The following NEDD4L variants were observed in gnomAD, a reference collection of about 807,000 sequenced individuals.
NEDD4L encodes E3 ubiquitin-protein ligase NEDD4-like.
Under a neutral mutation model 148.9 loss-of-function variants are expected in NEDD4L, and 54 were observed. That is an observed-to-expected ratio of 0.36 (90% CI 0.29 to 0.45). The LOEUF (loss-of-function observed/expected upper bound fraction) is 0.45, where lower values mean the gene tolerates loss of function less well. Ranked by LOEUF, NEDD4L falls within the 20% of genes least tolerant of loss-of-function variation. The pLI is 1.00. For missense variants in NEDD4L, 856 were observed against 1,233.8 expected (o/e 0.69, Z 4.59); for synonymous variants, 433 against 440.7 (o/e 0.98, Z 0.22).
chr18:58,087,013 A>G (rs143278179), intron 1 of NEDD4L, among the ~76,000 whole-genome samples: 1 of 152,320 alleles, frequency 6.6e-6, no homozygotes, highest in Non-Finnish European at 1.5e-5. Flanking sequence ...TGTCCTGTGA[A>G]TCTCACTGGA....
chr18:58,135,962 C>T (rs185889912), intron 1 of NEDD4L, among the ~76,000 whole-genome samples: 3 of 152,286 alleles, frequency 2.0e-5, no homozygotes, highest in Non-Finnish European at 2.9e-5. Flanking sequence ...GGAAGCTGAA[C>T]GCTTGCTCCC....
At chr18:58,155,518 T>C (rs1172864734) in intron 1 of NEDD4L, among the ~76,000 whole-genome samples, 6 of 152,216 alleles carry the variant, frequency 3.9e-5, no homozygotes, top group African/African-American at 1.4e-4. Flanking sequence ...GTGAGTTATT[T>C]CTTTGCAGTA....
chr18:58,058,865 T>C (rs1469891701), intron 1 of NEDD4L, among the ~76,000 whole-genome samples: 1 of 152,180 alleles, frequency 6.6e-6, no homozygotes, highest in African/African-American at 2.4e-5. Flanking sequence ...GGTTTATGTG[T>C]CTGTCTCGTA....
At chr18:58,383,540 C>T (rs923478456) in intron 25 of NEDD4L, among the ~76,000 whole-genome samples, 7 of 152,136 alleles carry the variant, frequency 4.6e-5, no homozygotes, top group Admixed American at 4.6e-4. Flanking sequence ...TATAAAGGAG[C>T]AGAGGAGGGA....
chr18:58,088,801 T>C (rs10503020), intron 1 of NEDD4L, among the ~76,000 whole-genome samples: 11,258 of 152,246 alleles, frequency 0.074, 525 homozygotes, highest in East Asian at 0.17. Context: ...CGTTCAAGTG[T>C]GGCAGTTATG....
At position 58,329,119 on chromosome 18, in the gene NEDD4L, G is replaced by A; in HGVS notation, c.805G>A (p.Val269Ile). ...LEPEPSEGGDVPEPWETISEE... is the reference protein window; with the variant it reads ...LEPEPSEGGDIPEPWETISEE... ...GCCCGAGCCCTCGGAGGGCGGGGATGTCCCCGAGGTACGATGTCCCCAGAA... is the reference window on the plus strand; with the variant it reads ...GCCCGAGCCCTCGGAGGGCGGGGATATCCCCGAGGTACGATGTCCCCAGAA... Residue 269 changes from valine (V) to isoleucine (I), a missense_variant, in exon 10 of 31, where the codon GTC becomes ATC. By Grantham distance (29) the Val-to-Ile change is conservative (BLOSUM62 3). Transcript: ENST00000400345. 6.2e-7 allele frequency: 1 copy of A among 1,613,856 alleles called. No homozygotes were observed. Among genetic ancestry groups the A allele is most frequent in the South Asian group, 1.1e-5 (1 of 91,010 alleles).
At chr18:58,276,694 A>ATATTATTATTATTATTAT (rs143837901) in intron 5 of NEDD4L, among the ~76,000 whole-genome samples, 1 of 97,826 alleles carries the variant, frequency 1.0e-5, no homozygotes, top group Non-Finnish European at 2.0e-5. Flanking sequence ...AATAATAATA[A>ATATTATTATTATTATTAT]TATTATTATT....
At chr18:58,164,450 A>T (rs1267867817) in intron 1 of NEDD4L, among the ~76,000 whole-genome samples, 1 of 152,134 alleles carries the variant, frequency 6.6e-6, no homozygotes, top group Non-Finnish European at 1.5e-5. Flanking sequence ...GAGGCTTAGG[A>T]CTCTGAGTGG....
intron 2 of NEDD4L, among the ~76,000 whole-genome samples, chr18:58,231,980 C>A (rs1320597277): frequency 6.6e-6 from 1 of 152,206 alleles, no homozygotes; most frequent in East Asian, 1.9e-4. Context: ...AGGTCTGACT[C>A]CATGGCTATT....
intron 23 of NEDD4L, chr18:58,371,424 A>C (rs2046865797): frequency 6.6e-6 from 1 of 151,758 alleles, no homozygotes; most frequent in South Asian, 2.1e-4. Flanking sequence ...CTTTTAATGT[A>C]CCTATACCCC....
At chr18:58,094,900 TAAAAAA>T (rs1555689599) in intron 1 of NEDD4L, among the ~76,000 whole-genome samples, 1 of 129,516 alleles carries the variant, frequency 7.7e-6, no homozygotes, top group African/African-American at 2.8e-5. Flanking sequence ...AAAGAGCACT[TAAAAAA>T]AAAAAAAAAA....
At position 58,268,494 on chromosome 18, in the gene NEDD4L, G is replaced by T. The variant is rs756229096; in HGVS notation, c.297+16440G>T. On this transcript the variant is annotated intron_variant, in intron 5 of 30. Transcript: ENST00000400345. ...CAGCCATTCACAGTGTATCAAAGAG[G>T]TATATTTTGGGGTGAAATATTTTTA... Among the ~76,000 whole-genome samples, 3 of 151,988 alleles carry T rather than the reference G, an allele frequency of 2.0e-5. No homozygotes were observed. In the South Asian group the frequency reaches 6.2e-4, roughly 32 times the overall value.
At chr18:58,276,212 T>TTTTGGGG (rs1555782967) in intron 5 of NEDD4L, among the ~76,000 whole-genome samples, 1 of 103,442 alleles carries the variant, frequency 9.7e-6, no homozygotes, top group Non-Finnish European at 2.1e-5. Flanking sequence ...TTTTTTTTTT[T>TTTTGGGG]GGGTGGGGAG....
At chr18:58,237,923 C>G (rs907369637) in intron 2 of NEDD4L, among the ~76,000 whole-genome samples, 1 of 152,170 alleles carries the variant, frequency 6.6e-6, no homozygotes. Flanking sequence ...TTTCAAGACT[C>G]GAGTGGCTGG....
At chr18:58,235,293 TACTC>T (rs1359125283) in intron 2 of NEDD4L, among the ~76,000 whole-genome samples, 1 of 152,182 alleles carries the variant, frequency 6.6e-6, no homozygotes, top group African/African-American at 2.4e-5. Flanking sequence ...TATTGTTGCT[TACTC>T]ACTTGAAAAG....
intron 1 of NEDD4L, among the ~76,000 whole-genome samples, chr18:58,130,398 G>A (rs2031892261): frequency 6.8e-6 from 1 of 147,888 alleles, no homozygotes; most frequent in Non-Finnish European, 1.5e-5. Flanking sequence ...CTCTGTTGGG[G>A]TTTGGTTGAC....
At chr18:58,391,618 G>A (rs983008930) in intron 30 of NEDD4L, 59 bp downstream of exon 30, 4 of 1,228,858 alleles carry the variant, frequency 3.3e-6, no homozygotes, top group Admixed American at 4.0e-5. Context: ...GCTGGGTATG[G>A]TGCTGGGCTC....
rs1181429627 is a variant in NEDD4L at position 58,324,817 on chromosome 18, GAT to G, written c.514-168_514-167del. Reference sequence around the variant, plus strand: ...AGATTTTTGAGGCCTTTCTAGAATTGATATATATATATTTTTTTGGCCTTCAT... The same window carrying G: ...AGATTTTTGAGGCCTTTCTAGAATTGATATATATATTTTTTTGGCCTTCAT... On this transcript the variant is annotated intron_variant, in intron 8 of 30. Transcript: ENST00000400345. Among the ~76,000 whole-genome samples, 5 of 152,028 alleles carry G rather than the reference GAT, an allele frequency of 3.3e-5. No homozygotes were observed. In the East Asian group the frequency reaches 9.6e-4, roughly 29 times the overall value.
chr18:58,168,071 A>G (rs947222311), intron 2 of NEDD4L, among the ~76,000 whole-genome samples: 2 of 152,234 alleles, frequency 1.3e-5, no homozygotes, highest in Non-Finnish European at 2.9e-5. Context: ...GGTCATTTCT[A>G]AGGGACATGG....
Sources: gnomAD v4.1 joint callset for allele counts (sites outside exome capture counted in the v4.1 genomes callset) on GRCh38, gnomAD v4.1.1 for gene constraint, MANE v1.5 for transcripts, NCBI Gene and HGNC (gene_info 2026-07-23, HGNC 2026-07-21) for gene names.